Variants in TFEC observed in about 807,000 individuals in gnomAD.
TFEC encodes transcription factor EC, also known as class E basic helix-loop-helix protein 34.
A neutral mutation model predicts 41.6 loss-of-function variants in TFEC; 31 were observed. The ratio of observed to expected loss-of-function variants is 0.74; its 90% CI spans 0.56 to 1.01. The LOEUF (loss-of-function observed/expected upper bound fraction) is 1.01. Ranked by LOEUF, TFEC falls within the 50% of genes least tolerant of loss-of-function variation. The pLI, the probability that TFEC is intolerant of heterozygous loss-of-function variation, is 0.00. For missense variants in TFEC, 402 were observed against 404.1 expected (o/e 0.99, Z 0.04); for synonymous variants, 143 against 140.6 (o/e 1.02, Z -0.12).
rs114609762 is a variant in TFEC, at chr7:116,157,563, G to T, written c.-69+2227C>A. 3.0e-3 allele frequency among the ~76,000 whole-genome samples: 457 copies of T among 151,044 alleles called. 4 individuals are homozygous for T. Among genetic ancestry groups the T allele is most frequent in the African/African-American group, 0.011 (442 of 40,944 alleles). On this transcript the variant is annotated intron_variant, in intron 1 of 8. Coordinates refer to the TFEC transcript ENST00000484212. Reference sequence around the variant, plus strand: ...AGTTTAGTAGGGAATGAGCAGTCTTGAGAAAAATGGAAATCAGGATTCTAA... The same window carrying T: ...AGTTTAGTAGGGAATGAGCAGTCTTTAGAAAAATGGAAATCAGGATTCTAA...
At chr7:116,100,017 G>C (rs1797568394) in intron 3 of TFEC, among the ~76,000 whole-genome samples, 1 of 152,112 alleles carries the variant, frequency 6.6e-6, no homozygotes, top group African/African-American at 2.4e-5. Context: ...GATGGTATGG[G>C]AAATTGAATT....
In TFEC at chr7:115,958,425, G is replaced by C. The variant is rs982508080; in HGVS notation, c.268-1632C>G. On this transcript the variant is annotated intron_variant, in intron 3 of 7. Transcript: ENST00000265440. Reference sequence around the variant, plus strand: ...AATTGCACATTTCCACTGTGCCTTTGAGAAGCATAATGGACACGTTGAACA... The same window carrying C: ...AATTGCACATTTCCACTGTGCCTTTCAGAAGCATAATGGACACGTTGAACA... 4.6e-5 allele frequency among the ~76,000 whole-genome samples: 7 copies of C among 151,804 alleles called. No homozygotes were observed. The South Asian group carries it at 1.2e-3, about 27-fold the overall frequency.
intron 3 of TFEC, among the ~76,000 whole-genome samples, chr7:116,066,045 A>C (rs761740079): frequency 6.6e-6 from 1 of 152,210 alleles, no homozygotes; most frequent in Non-Finnish European, 1.5e-5. Context: ...ATTTAAAGTA[A>C]GAATCACTGG....
chr7:116,005,410 G>A (rs746129139), intron 1 of TFEC, among the ~76,000 whole-genome samples: 35 of 152,176 alleles, frequency 2.3e-4, no homozygotes, highest in Non-Finnish European at 3.8e-4. Context: ...TGAGGAACTT[G>A]TTGGGAACTG....
chr7:116,155,217 A>C (rs1798844848), intron 1 of TFEC, among the ~76,000 whole-genome samples: 1 of 152,206 alleles, frequency 6.6e-6, no homozygotes, highest in Non-Finnish European at 1.5e-5. Flanking sequence ...GGGAGATCTA[A>C]TCGATTCTGA....
intron 1 of TFEC, among the ~76,000 whole-genome samples, chr7:115,993,166 CT>C (rs1431126613): frequency 6.6e-6 from 1 of 152,122 alleles, no homozygotes; most frequent in Non-Finnish European, 1.5e-5. Context: ...GCCCTTCATG[CT>C]AAAAACTCTC....
chr7:115,988,288 T>G (rs1793947875), intron 1 of TFEC, among the ~76,000 whole-genome samples: 1 of 152,074 alleles, frequency 6.6e-6, no homozygotes, highest in African/African-American at 2.4e-5. Context: ...ATGAATTTTT[T>G]AAAAACTATG....
intron 3 of TFEC, among the ~76,000 whole-genome samples, chr7:115,966,248 C>T (rs1792841571): frequency 6.6e-6 from 1 of 151,692 alleles, no homozygotes; most frequent in African/African-American, 2.4e-5. Context: ...CTTACCACCA[C>T]ATGTAAACAT....
chr7:116,106,417 C>G (rs183188801), intron 3 of TFEC, among the ~76,000 whole-genome samples: 1 of 152,084 alleles, frequency 6.6e-6, no homozygotes, highest in Non-Finnish European at 1.5e-5. Flanking sequence ...CAGAGTTTTG[C>G]TGTCACCCAA....
intron 1 of TFEC, among the ~76,000 whole-genome samples, chr7:115,994,788 G>A (rs1280606060): frequency 6.6e-6 from 1 of 152,182 alleles, no homozygotes; most frequent in Non-Finnish European, 1.5e-5. Context: ...AGACAGGGTG[G>A]TGATTCCTCA....
chr7:115,959,914 A>G (rs945801890), intron 3 of TFEC, among the ~76,000 whole-genome samples: 1 of 151,586 alleles, frequency 6.6e-6, no homozygotes, highest in African/African-American at 2.4e-5. Context: ...AAGAGAGAAA[A>G]ATAATATTGG....
chr7:115,936,948 A>G lies in TFEC; in HGVS notation c.*3603T>C, dbSNP rs911968484. ...TGATATGCCTATAAACTGAGAAAATACCATCTGTACATATATTCTCCATTT... is the reference window on the plus strand; with the variant it reads ...TGATATGCCTATAAACTGAGAAAATGCCATCTGTACATATATTCTCCATTT... On this transcript the variant is annotated 3_prime_UTR_variant, in exon 8 of 8. Transcript: ENST00000265440. 3.3e-5 allele frequency: 5 copies of G among 151,606 alleles called. No individual in the cohort carries two copies. The highest frequency in any genetic ancestry group is 7.4e-5 in the Non-Finnish European group (5 of 67,654). The allele number at this position is 151,606 out of a possible 1,614,324, so 9.4% of individuals were successfully genotyped here. A position where few individuals can be genotyped will look rare whatever the true frequency, so the allele number is the denominator to read the frequency against.
chr7:116,112,157 A>G (rs1401576469), intron 1 of TFEC: 3 of 347,230 alleles, frequency 8.6e-6, no homozygotes, highest in African/African-American at 4.4e-5. Context: ...GTTCAATGTG[A>G]TAAGTTGCAT....
intron 1 of TFEC, chr7:116,117,490 G>A (rs1460449009): frequency 1.3e-5 from 2 of 151,678 alleles, no homozygotes; most frequent in Non-Finnish European, 1.5e-5. Flanking sequence ...ACCATGTGAT[G>A]GTATCATCAT....
At chr7:116,116,686 A>G (rs1282899725) in intron 1 of TFEC, among the ~76,000 whole-genome samples, 1 of 151,918 alleles carries the variant, frequency 6.6e-6, no homozygotes, top group East Asian at 1.9e-4. Context: ...AGAATCTACT[A>G]TTCTATGAAT....
chr7:116,127,026 T>C (rs979971846), intron 1 of TFEC, among the ~76,000 whole-genome samples: 2 of 152,186 alleles, frequency 1.3e-5, no homozygotes, highest in African/African-American at 4.8e-5. Context: ...AATTTCAACC[T>C]TTCTGACTGG....
chr7:116,089,626 A>T (rs1046911004), intron 3 of TFEC, among the ~76,000 whole-genome samples: 2 of 150,324 alleles, frequency 1.3e-5, no homozygotes, highest in Non-Finnish European at 3.0e-5. Flanking sequence ...TGTATATATA[A>T]AACCTCTCAT....
chr7:116,092,244 T>C (rs1458173744), intron 3 of TFEC, among the ~76,000 whole-genome samples: 1 of 152,162 alleles, frequency 6.6e-6, no homozygotes, highest in Non-Finnish European at 1.5e-5. Context: ...GTGGAAAGAA[T>C]AAATGGCAGG....
At chr7:116,136,963 C>T (rs1798445138) in intron 1 of TFEC, among the ~76,000 whole-genome samples, 1 of 151,998 alleles carries the variant, frequency 6.6e-6, no homozygotes, top group African/African-American at 2.4e-5. Context: ...TTTTCAATGG[C>T]AAACTGGAAT....
Sources: allele counts gnomAD v4.1 joint callset (sites outside exome capture counted in the v4.1 genomes callset), GRCh38; gene constraint gnomAD v4.1.1; transcripts MANE v1.5; gene names NCBI Gene and HGNC (gene_info 2026-07-23, HGNC 2026-07-21).